The following XRCC5 variants were observed in gnomAD, a reference collection of about 807,000 sequenced individuals.
XRCC5 encodes the protein X-ray repair cross complementing 5.
XRCC5 carries 12 observed loss-of-function variants against 95.7 expected under a neutral mutation model. The ratio of observed to expected loss-of-function variants is 0.13; its 90% confidence interval spans 0.08 to 0.20. The LOEUF (loss-of-function observed/expected upper bound fraction) is 0.20, where lower values mean the gene tolerates loss of function less well. Among genes scored for constraint, XRCC5 ranks in the 10% least tolerant of loss-of-function variants. The pLI is 1.00. For missense variants in XRCC5, 595 were observed against 873.9 expected, an observed-to-expected ratio of 0.68 and a Z score of 4.02; for synonymous variants, 281 against 290.3, an observed-to-expected ratio of 0.97 and a Z score of 0.33.
intron 16 of XRCC5, among the ~76,000 whole-genome samples, chr2:216,173,724 A>G (rs1167847095): frequency 2.6e-5 from 4 of 152,202 alleles, no homozygotes; most frequent in African/African-American, 4.8e-5. Flanking sequence ...TTCTCATGAA[A>G]GGATTCAGGC....
intron 14 of XRCC5, among the ~76,000 whole-genome samples, chr2:216,152,340 T>C (rs1379122342): frequency 2.0e-5 from 3 of 152,018 alleles, no homozygotes; most frequent in Non-Finnish European, 4.4e-5. Context: ...CTCGGGAGGC[T>C]GAGGCACGAA....
intron 17 of XRCC5, among the ~76,000 whole-genome samples, chr2:216,192,075 T>G (rs1559262781): frequency 6.6e-6 from 1 of 152,154 alleles, no homozygotes; most frequent in Admixed American, 6.5e-5. Flanking sequence ...CTCGGCTCAC[T>G]GCAACCTCCG....
chr2:216,123,175 AGTGATTGAACAACTAGAATTTTTTT>A (rs1381606101), intron 6 of XRCC5, among the ~76,000 whole-genome samples: 1 of 152,236 alleles, frequency 6.6e-6, no homozygotes, highest in Non-Finnish European at 1.5e-5. Context: ...ACATTGAAGT[AGTGATTGAACAACTAGAATTTTTTT>A]AAGTAGCTAC....
At chr2:216,172,355 A>C (rs1379673615) in intron 16 of XRCC5, among the ~76,000 whole-genome samples, 1 of 152,210 alleles carries the variant, frequency 6.6e-6, no homozygotes, top group African/African-American at 2.4e-5. Flanking sequence ...TAAGAAAAAA[A>C]GACTAAAAAA....
At chr2:216,132,470 G>T in intron 10 of XRCC5, 83 bp downstream of exon 10, 1 of 1,373,474 alleles carries the variant, frequency 7.3e-7, no homozygotes, top group Non-Finnish European at 1.0e-6. Context: ...GGCTTTTATA[G>T]TTTAAAATGA....
chr2:216,139,289 G>A (rs138013861), intron 12 of XRCC5, among the ~76,000 whole-genome samples: 3,659 of 148,202 alleles, frequency 0.025, 138 homozygotes, highest in African/African-American at 0.085. Context: ...CCCGAGACTG[G>A]GAAGAAAAAG....
intron 16 of XRCC5, among the ~76,000 whole-genome samples, chr2:216,172,011 A>T (rs967458650): frequency 2.0e-5 from 3 of 152,230 alleles, no homozygotes; most frequent in Non-Finnish European, 4.4e-5. Flanking sequence ...GGACCTGTTC[A>T]TAGTCAGTTT....
At chr2:216,154,757 A>G (rs1688810897) in intron 14 of XRCC5, among the ~76,000 whole-genome samples, 1 of 152,212 alleles carries the variant, frequency 6.6e-6, no homozygotes, top group Non-Finnish European at 1.5e-5. Flanking sequence ...AATTTCTGGT[A>G]GTTCACAGAT....
intron 14 of XRCC5, among the ~76,000 whole-genome samples, chr2:216,156,105 C>T (rs1457958025): frequency 6.6e-6 from 1 of 152,148 alleles, no homozygotes; most frequent in South Asian, 2.1e-4. Flanking sequence ...CACTAATCTG[C>T]CCTAGTTATA....
intron 15 of XRCC5, 25 bp from the exon 16 acceptor site, chr2:216,161,954 T>G: frequency 6.2e-7 from 1 of 1,607,016 alleles, no homozygotes; most frequent in Middle Eastern, 1.7e-4. Flanking sequence ...AACCTGTAGG[T>G]TTATCATCTG....
intron 16 of XRCC5, among the ~76,000 whole-genome samples, chr2:216,163,869 GT>G (rs1319736440): frequency 2.0e-5 from 3 of 152,208 alleles, no homozygotes; most frequent in Admixed American, 2.0e-4. Context: ...TAAGTGGGGT[GT>G]ATATGTTTTT....
At chr2:216,168,980 A>G (rs1204717796) in intron 16 of XRCC5, among the ~76,000 whole-genome samples, 1 of 152,182 alleles carries the variant, frequency 6.6e-6, no homozygotes, top group Non-Finnish European at 1.5e-5. Flanking sequence ...CTTTTCCTAC[A>G]CTTTTTAAAA....
chr2:216,204,715 C>G (rs1490033360), intron 20 of XRCC5, among the ~76,000 whole-genome samples: 2 of 152,100 alleles, frequency 1.3e-5, no homozygotes, highest in African/African-American at 4.8e-5. Flanking sequence ...TTGCTGTTAA[C>G]CAAAAATAAG....
In XRCC5 at chr2:216,116,947, G is replaced by A. The variant is rs1696708754; in HGVS notation, c.319+105G>A. Reference sequence around the variant, plus strand: ...CAGAGTTTCAGCTATGAGTATATGGGTATATTTTGCTCTGAGGAGGGGGAG... The same window carrying A: ...CAGAGTTTCAGCTATGAGTATATGGATATATTTTGCTCTGAGGAGGGGGAG... On this transcript the variant is annotated intron_variant, in intron 3 of 20. Transcript: ENST00000392132. The A allele has an allele frequency of 1.8e-5, 24 of 1,307,930 alleles. No individual in the cohort carries two copies. In the South Asian group the frequency reaches 2.9e-4, roughly 16 times the overall value. The allele number at this position is 1,307,930 out of a possible 1,614,324, so 81.0% of individuals were successfully genotyped here.
intron 16 of XRCC5, among the ~76,000 whole-genome samples, chr2:216,172,424 T>C (rs1415862967): frequency 6.6e-6 from 1 of 151,812 alleles, no homozygotes; most frequent in Non-Finnish European, 1.5e-5. Flanking sequence ...AACTACTCTA[T>C]GTCATTTGCG....
intron 16 of XRCC5, among the ~76,000 whole-genome samples, chr2:216,173,220 T>G (rs1689204354): frequency 6.6e-6 from 1 of 151,876 alleles, no homozygotes; most frequent in East Asian, 1.9e-4. Context: ...TTTCTTTCTT[T>G]TTTTTTAATT....
At chr2:216,191,437 C>T (rs528281312) in intron 17 of XRCC5, among the ~76,000 whole-genome samples, 38 of 150,732 alleles carry the variant, frequency 2.5e-4, no homozygotes, top group Non-Finnish European at 5.3e-4. Context: ...TTGAGACGGA[C>T]TTTCACTCTT....
intron 12 of XRCC5, among the ~76,000 whole-genome samples, chr2:216,140,559 T>C (rs1697155450): frequency 6.6e-6 from 1 of 152,210 alleles, no homozygotes; most frequent in Non-Finnish European, 1.5e-5. Flanking sequence ...ATGTCGTATT[T>C]CTGCTCTCAT....
At position 216,116,688 on chromosome 2, in the gene XRCC5, T is replaced by C. The variant is rs1696703930; in HGVS notation, c.165T>C (p.Ala55=). ...QVFAENKDEI[A]LVLFGTDGTD... ...TTGCTGAGAACAAGGATGAGATTGC[T>C]TTAGTCCTGTTTGGTACAGATGGCA... Residue 55 remains alanine (A), a synonymous_variant, in exon 3 of 21, where the codon GCT becomes GCC. Coordinates refer to ENST00000392132, the MANE Select transcript of XRCC5 (RefSeq NM_021141.4). The C allele has an allele frequency of 6.2e-7, 1 of 1,614,096 alleles. No homozygotes were observed. Among genetic ancestry groups the C allele is most frequent in the Non-Finnish European group, 8.5e-7 (1 of 1,180,032 alleles).
Sources: gnomAD v4.1 joint callset for allele counts (sites outside exome capture counted in the v4.1 genomes callset) on GRCh38, gnomAD v4.1.1 for gene constraint, MANE v1.5 for transcripts, NCBI Gene and HGNC (gene_info 2026-07-23, HGNC 2026-07-21) for gene names.